Variants in MED1 observed in about 807,000 individuals in gnomAD.
MED1 encodes mediator of RNA polymerase II transcription subunit 1.
In MED1, 17 loss-of-function variants were observed where a neutral mutation model predicts 121.3. That is an observed-to-expected ratio of 0.14 (90% CI 0.10 to 0.21). The LOEUF (loss-of-function observed/expected upper bound fraction) is 0.21. Ranked by LOEUF, MED1 falls within the 10% of genes least tolerant of loss-of-function variation. The pLI, the probability that MED1 is intolerant of heterozygous loss-of-function variation, is 1.00. For synonymous variants in MED1, 661 were observed against 694.4 expected (o/e 0.95, Z 0.76); for missense variants, 1,558 against 1,919.4 (o/e 0.81, Z 3.52).
intron 6 of MED1, among the ~76,000 whole-genome samples, chr17:39,436,408 A>G (rs1051682316): frequency 3.3e-5 from 5 of 151,342 alleles, no homozygotes; most frequent in Admixed American, 1.3e-4. Flanking sequence ...ACACACATAC[A>G]CAACTTATTT....
At chr17:39,446,728 C>T (rs2048731391) in intron 2 of MED1, among the ~76,000 whole-genome samples, 1 of 151,176 alleles carries the variant, frequency 6.6e-6, no homozygotes, top group Non-Finnish European at 1.5e-5. Flanking sequence ...GAGCCGAGAT[C>T]GCACCATTGC....
Position 39,419,695 on chromosome 17 carries a change from C to T in MED1, c.1297+22G>A, listed in dbSNP as rs1417040934. The T allele has an allele frequency of 1.9e-6, 3 of 1,585,976 alleles. No homozygotes were observed. The African/African-American group carries it at 4.0e-5, about 21-fold the overall frequency. On this transcript the variant is annotated intron_variant, in intron 14 of 16. Transcript: ENST00000300651. ...AAGTAAGTTTCCATCTTCCAGTAAG[C>T]ATATCAAAGGAAAGGCAGTACCTTC...
intron 6 of MED1, among the ~76,000 whole-genome samples, chr17:39,438,757 G>A (rs1471188413): frequency 6.6e-6 from 1 of 152,126 alleles, no homozygotes; most frequent in Non-Finnish European, 1.5e-5. Context: ...ACAGGCGTGA[G>A]CCACCGCACC....
Position 39,410,348 on chromosome 17 carries a change from G to A in MED1, c.1873C>T (p.Pro625Ser). ...GAGACAGGTGGCGGCGTGTGATGAG[G>A]AGGGGTCGGACTCGAGCCAATGGTA... ...GSTIGSSPTP[P>S]HHTPPPVSSM... Residue 625 changes from proline to serine, a missense_variant, in exon 17 of 17, where the codon CCT becomes TCT. Coordinates refer to ENST00000300651, the MANE Select transcript of MED1 (RefSeq NM_004774.4). The A allele has an allele frequency of 6.2e-7, 1 of 1,614,038 alleles. No homozygotes were observed. The highest frequency in any genetic ancestry group is 8.5e-7 in the Non-Finnish European group (1 of 1,180,008).
chr17:39,441,828 C>G (rs1023829271), intron 3 of MED1, among the ~76,000 whole-genome samples: 37 of 152,134 alleles, frequency 2.4e-4, no homozygotes, highest in African/African-American at 8.9e-4. Context: ...TGAGACTGGG[C>G]AAAGTGGCTC....
chr17:39,419,741 C>T lies in MED1; in HGVS notation c.1273G>A (p.Val425Ile), dbSNP rs763635958. The T allele has an allele frequency of 6.2e-7, 1 of 1,613,458 alleles. No individual in the cohort carries two copies. The highest frequency in any genetic ancestry group is 1.1e-5 in the South Asian group (1 of 91,068). Residue 425 changes from valine (V) to isoleucine (I), a missense_variant, in exon 14 of 17, where the codon GTC (valine) becomes ATC (isoleucine). By Grantham distance (29) the Val-to-Ile change is conservative. Coordinates refer to ENST00000300651, the MANE Select transcript of MED1 (RefSeq NM_004774.4). Reference protein sequence around the residue: ...VAYNTLIGSCVKRTILKEDSP... With the variant: ...VAYNTLIGSCIKRTILKEDSP... ...CCTTCTTTCAGAATAGTTCTTTTGA[C>T]ACAGCTTCCAATGAGGGTGTTATAG...
intron 9 of MED1, among the ~76,000 whole-genome samples, chr17:39,428,944 T>C (rs2048539771): frequency 6.7e-6 from 1 of 149,588 alleles, no homozygotes; most frequent in African/African-American, 2.5e-5. Context: ...AGAGCAAGAC[T>C]CCATCTCAAA....
chr17:39,426,834 GTCTA>G (rs1289834962), intron 10 of MED1, among the ~76,000 whole-genome samples: 1 of 151,812 alleles, frequency 6.6e-6, no homozygotes, highest in African/African-American at 2.4e-5. Flanking sequence ...GCGCCCGGCA[GTCTA>G]TCTCTCTTTA....
intron 1 of MED1, 81 bp from the exon 2 acceptor site, chr17:39,447,985 C>T: frequency 2.4e-6 from 2 of 849,812 alleles, no homozygotes; most frequent in South Asian, 3.1e-5. Context: ...TAAATTCCCA[C>T]ACTTCATCAC....
chr17:39,431,289 T>C (rs2144751545), intron 8 of MED1, 101 bp from the exon 9 acceptor site: 1 of 1,012,160 alleles, frequency 9.9e-7, no homozygotes, highest in Non-Finnish European at 1.5e-6. Context: ...GTCTTTTTTT[T>C]TTTTTGAGAC....
intron 2 of MED1, among the ~76,000 whole-genome samples, chr17:39,446,780 A>G (rs1054433601): frequency 4.6e-5 from 7 of 151,812 alleles, no homozygotes; most frequent in Admixed American, 1.3e-4. Flanking sequence ...CTCAAAGAAA[A>G]AAAAAAAAAA....
chr17:39,408,517 G>A lies in MED1; in HGVS notation c.3704C>T (p.Ser1235Phe). ...ISSGSGGSHM[S>F]GTSSSSGMKS... The stretch of plus-strand genomic sequence containing the variant: ...CATGCCAGAGCTTGAACTAGTTCCA[G>A]ACATATGAGAACCACCAGAACCTGA... Residue 1235 changes from serine (S) to phenylalanine (F), a missense_variant, in exon 17 of 17, where the codon TCT becomes TTT. Coordinates refer to ENST00000300651, the MANE Select transcript of MED1 (RefSeq NM_004774.4). The surrounding 1 kb of genome is among the most constrained non-coding windows in gnomAD (Gnocchi z 4.7). 6.2e-7 allele frequency: 1 copy of A among 1,614,222 alleles called. No homozygotes were observed. Among genetic ancestry groups the A allele is most frequent in the Non-Finnish European group, 8.5e-7 (1 of 1,180,052 alleles).
chr17:39,440,351 C>T lies in MED1; in HGVS notation c.399+35G>A. The T allele has an allele frequency of 5.9e-6, 9 of 1,528,542 alleles. No homozygotes were observed. The highest frequency in any genetic ancestry group is 7.0e-6 in the Non-Finnish European group (8 of 1,145,936). The allele number at this position is 1,528,542 out of a possible 1,614,324, so 94.7% of individuals were successfully genotyped here. A position where few individuals can be genotyped will look rare whatever the true frequency, so the allele number is the denominator to read the frequency against. On this transcript the variant is annotated intron_variant, in intron 5 of 16. Coordinates refer to ENST00000300651, the MANE Select transcript of MED1 (RefSeq NM_004774.4). This position sits in a 1 kb window ranked among gnomAD's most constrained non-coding sequence, Gnocchi z 4.1. ...TTAAAATTAATGTCCCTAAGTAAAC[C>T]CCACAGATTCCAGTGAAATATCAAC...
At chr17:39,412,984 C>G (rs1308909530) in intron 16 of MED1, among the ~76,000 whole-genome samples, 1 of 152,168 alleles carries the variant, frequency 6.6e-6, no homozygotes, top group Non-Finnish European at 1.5e-5. Context: ...CAAAAATAGG[C>G]TGCCAGACCC....
Position 39,451,186 on chromosome 17 carries a change from G to T in MED1, c.-124C>A. The T allele has an allele frequency of 8.9e-7, 1 of 1,127,230 alleles. No homozygotes were observed. The highest frequency in any genetic ancestry group is 1.3e-6 in the Non-Finnish European group (1 of 768,326). The allele number at this position is 1,127,230 out of a possible 1,614,324, so 69.8% of individuals were successfully genotyped here. ...CACCAGCAGTCCCTACTCTTCCCGG[G>T]AAGGATCAATCTGAAGTCCCCGGCG... On this transcript the variant is annotated 5_prime_UTR_variant, in exon 1 of 17. Transcript: ENST00000300651.
At chr17:39,444,064 C>A (rs2048703913) in intron 2 of MED1, among the ~76,000 whole-genome samples, 2 of 152,164 alleles carry the variant, frequency 1.3e-5, no homozygotes, top group Non-Finnish European at 2.9e-5. Context: ...TACATGAGAT[C>A]TGCCGCCTGT....
At chr17:39,419,640 G>C in intron 14 of MED1, 77 bp downstream of exon 14, 1 of 1,405,932 alleles carries the variant, frequency 7.1e-7, no homozygotes, top group South Asian at 1.2e-5. Context: ...AGGTGATTCT[G>C]ATGGGCCACC....
At chr17:39,429,748 A>G (rs948958963) in intron 9 of MED1, among the ~76,000 whole-genome samples, 3 of 150,396 alleles carry the variant, frequency 2.0e-5, no homozygotes, top group African/African-American at 7.3e-5. Context: ...ATCACAAAAT[A>G]CACAAATATC....
chr17:39,450,548 CAGTTCGT>C (rs1478972233), intron 1 of MED1, among the ~76,000 whole-genome samples: 1 of 152,122 alleles, frequency 6.6e-6, no homozygotes, highest in Non-Finnish European at 1.5e-5. Context: ...TGTTTTTCTG[CAGTTCGT>C]AGTTCGGTCA....
Sources: gnomAD v4.1 joint callset for allele counts (sites outside exome capture counted in the v4.1 genomes callset) on GRCh38, gnomAD v4.1.1 for gene constraint, Gnocchi (gnomAD v3.1) non-coding constraint, MANE v1.5 for transcripts, NCBI Gene and HGNC (gene_info 2026-07-23, HGNC 2026-07-21) for gene names.